The following LTBP1 variants were observed in gnomAD, a reference collection of about 807,000 sequenced individuals.
LTBP1 encodes the protein latent transforming growth factor beta binding protein 1.
Under a neutral mutation model 207.6 loss-of-function variants are expected in LTBP1, and 129 were observed. The observed-to-expected ratio is 0.62, with a 90% CI of 0.54 to 0.72. LTBP1 has a LOEUF of 0.72. Ranked by LOEUF, LTBP1 falls within the 30% of genes least tolerant of loss-of-function variation. The pLI, the probability that LTBP1 is intolerant of heterozygous loss-of-function variation, is 0.00. For missense variants in LTBP1, 2,281 were observed against 2,217.2 expected (o/e 1.03, Z -0.58); for synonymous variants, 963 against 833.7 (o/e 1.16, Z -2.67).
intron 3 of LTBP1, among the ~76,000 whole-genome samples, chr2:33,031,550 T>C (rs1164819806): frequency 6.6e-6 from 1 of 152,182 alleles, no homozygotes; most frequent in Non-Finnish European, 1.5e-5. Flanking sequence ...ATGTGGTGCA[T>C]AGTATAAATT....
intron 9 of LTBP1, among the ~76,000 whole-genome samples, chr2:33,238,941 G>A (rs1269273366): frequency 6.6e-6 from 1 of 152,178 alleles, no homozygotes; most frequent in Non-Finnish European, 1.5e-5. Flanking sequence ...TTCATAGGGA[G>A]TCTCTTGTTA....
At chr2:33,028,237 G>C (rs1325570827) in intron 3 of LTBP1, among the ~76,000 whole-genome samples, 1 of 152,194 alleles carries the variant, frequency 6.6e-6, no homozygotes, top group Non-Finnish European at 1.5e-5. Context: ...TTGGGATAGA[G>C]TTTGCTTCCT....
chr2:33,076,268 A>G (rs929154084), intron 3 of LTBP1, among the ~76,000 whole-genome samples: 3 of 152,192 alleles, frequency 2.0e-5, no homozygotes, highest in African/African-American at 4.8e-5. Context: ...GGGTATGGCA[A>G]TGGGGCAATT....
At chr2:33,182,701 C>G (rs757400944) in intron 5 of LTBP1, among the ~76,000 whole-genome samples, 4 of 42,646 alleles carry the variant, frequency 9.4e-5, no homozygotes, top group African/African-American at 2.8e-4. Context: ...TATATATATA[C>G]ACACACACAC....
intron 16 of LTBP1, among the ~76,000 whole-genome samples, chr2:33,274,116 G>A (rs983793424): frequency 2.0e-5 from 3 of 152,052 alleles, no homozygotes; most frequent in Non-Finnish European, 2.9e-5. Context: ...TAACATTAGT[G>A]TATACTGCAG....
At chr2:33,180,213 G>T (rs894581304) in intron 5 of LTBP1, among the ~76,000 whole-genome samples, 2 of 152,246 alleles carry the variant, frequency 1.3e-5, no homozygotes, top group Non-Finnish European at 2.9e-5. Flanking sequence ...AGATAATCAA[G>T]AATTGAAGAT....
intron 3 of LTBP1, among the ~76,000 whole-genome samples, chr2:33,092,126 C>T (rs1419112849): frequency 6.6e-6 from 1 of 152,078 alleles, no homozygotes; most frequent in Non-Finnish European, 1.5e-5. Flanking sequence ...AATTATGGAC[C>T]CCTTTAACAA....
intron 7 of LTBP1, among the ~76,000 whole-genome samples, chr2:33,203,559 G>T (rs865911471): frequency 1.4e-4 from 21 of 152,304 alleles, no homozygotes; most frequent in African/African-American, 5.1e-4. Flanking sequence ...GGGTCCACCT[G>T]CCCGGACCTG....
At chr2:33,076,169 G>T (rs1004563752) in intron 3 of LTBP1, among the ~76,000 whole-genome samples, 1 of 152,324 alleles carries the variant, frequency 6.6e-6, no homozygotes, top group East Asian at 1.9e-4. Context: ...AGGGAAAAAT[G>T]TGACTTACGG....
Position 33,021,122 on chromosome 2 carries a change from T to C in LTBP1, c.779T>C (p.Leu260Pro), listed in dbSNP as rs774387963. The C allele has an allele frequency of 3.1e-6, 5 of 1,614,006 alleles. No homozygotes were observed. In the East Asian group the frequency reaches 1.1e-4, roughly 36 times the overall value. ...KHTSSKKADT[L>P]PRVSPVAQMT... ...ACTTCATCTAAGAAGGCAGACACTC[T>C]ACCAAGAGTCAGCCCTGTGGCCCAG... Residue 260 changes from leucine (L) to proline (P), a missense_variant, in exon 3 of 34, where the codon CTA becomes CCA. Physicochemically the swap from Leu to Pro is moderately conservative, Grantham distance 98. Around this residue, in one of 3 missense-constraint regions of LTBP1, gnomAD observed 555 missense variants for 491.0 expected, o/e 1.13. Coordinates refer to ENST00000404816, the MANE Select transcript of LTBP1 (RefSeq NM_206943.4).
At chr2:33,203,094 T>TG (rs2089496276) in intron 7 of LTBP1, among the ~76,000 whole-genome samples, 2 of 152,110 alleles carry the variant, frequency 1.3e-5, no homozygotes, top group Non-Finnish European at 2.9e-5. Flanking sequence ...CTAAAATGGC[T>TG]GCTCTCTGTA....
chr2:33,228,758 G>A (rs1429884699), intron 9 of LTBP1, among the ~76,000 whole-genome samples: 1 of 136,314 alleles, frequency 7.3e-6, no homozygotes, highest in Non-Finnish European at 1.5e-5. Context: ...GGAGTGCAGT[G>A]GTGCAATCTC....
At chr2:33,191,339 T>C (rs569623782) in intron 7 of LTBP1, among the ~76,000 whole-genome samples, 169 of 152,366 alleles carry the variant, frequency 1.1e-3, no homozygotes, top group African/African-American at 3.9e-3. Context: ...GGAATACTTT[T>C]GTCTTATCTG....
chr2:33,228,588 C>T (rs1392630095), intron 9 of LTBP1, among the ~76,000 whole-genome samples: 1 of 151,788 alleles, frequency 6.6e-6, no homozygotes, highest in Non-Finnish European at 1.5e-5. Context: ...CAAAACAATC[C>T]TATGAGATTT....
intron 4 of LTBP1, among the ~76,000 whole-genome samples, chr2:33,129,096 G>T (rs1194693429): frequency 6.6e-6 from 1 of 152,144 alleles, no homozygotes; most frequent in South Asian, 2.1e-4. Context: ...GGAACAGCCT[G>T]GTATGGTTCT....
chr2:32,974,906 G>A (rs183972828), intron 2 of LTBP1, among the ~76,000 whole-genome samples: 2 of 152,302 alleles, frequency 1.3e-5, no homozygotes, highest in African/African-American at 4.8e-5. Flanking sequence ...GTGTGGATTT[G>A]ATCCTGTCAC....
chr2:33,283,379 T>A (rs4670387), intron 19 of LTBP1, among the ~76,000 whole-genome samples: 52,678 of 149,252 alleles, frequency 0.35, 10,148 homozygotes, highest in Admixed American at 0.41. Flanking sequence ...TATTGATGAA[T>A]TTTTTGCCCC....
intron 2 of LTBP1, among the ~76,000 whole-genome samples, chr2:32,956,841 C>T (rs1678153152): frequency 1.3e-5 from 2 of 152,172 alleles, no homozygotes; most frequent in African/African-American, 2.4e-5. Flanking sequence ...TACTCTTTGA[C>T]CCATGGACTA....
At chr2:33,294,833 T>A (rs1266110699) in intron 20 of LTBP1, among the ~76,000 whole-genome samples, 6 of 151,848 alleles carry the variant, frequency 4.0e-5, no homozygotes, top group Non-Finnish European at 8.8e-5. Context: ...TGCCTCAGCC[T>A]CCCAAAGTGC....
Sources: gnomAD v4.1 joint callset for allele counts (sites outside exome capture counted in the v4.1 genomes callset) on GRCh38, gnomAD v4.1.1 for gene constraint, gnomAD v4.1.1 regional missense constraint, MANE v1.5 for transcripts, NCBI Gene and HGNC (gene_info 2026-07-23, HGNC 2026-07-21) for gene names.